The following PLGRKT variants were observed in gnomAD, a reference collection of about 807,000 sequenced individuals.
PLGRKT encodes the protein plasminogen receptor with a C-terminal lysine.
PLGRKT carries 22 observed loss-of-function variants against 18.5 expected under a neutral mutation model. The ratio of observed to expected loss-of-function variants is 1.19; its 90% CI spans 0.85 to 1.70. The LOEUF (loss-of-function observed/expected upper bound fraction) is 1.70. Ranked by LOEUF, PLGRKT falls within the 40% of genes most tolerant of loss-of-function variation. The probability of loss-of-function intolerance (pLI) is 0.00; values close to 1 mark genes in which losing one functional copy is unlikely to be tolerated. For synonymous variants in PLGRKT, 72 were observed against 52.8 expected, an observed-to-expected ratio of 1.36 and a Z score of -1.58; for missense variants, 235 against 174.4, an observed-to-expected ratio of 1.35 and a Z score of -1.96.
chr9:5,383,812 G>C (rs1418627199), intron 3 of PLGRKT, among the ~76,000 whole-genome samples: 1 of 152,206 alleles, frequency 6.6e-6, no homozygotes, highest in Non-Finnish European at 1.5e-5. Context: ...CTGCTGGGCA[G>C]TCCGGTTCCT....
chr9:5,422,275 C>G (rs992968202), intron 3 of PLGRKT, among the ~76,000 whole-genome samples: 2 of 152,130 alleles, frequency 1.3e-5, no homozygotes, highest in Non-Finnish European at 2.9e-5. Context: ...ACAACCAGAC[C>G]TCATGAGCCT....
At chr9:5,416,623 TAA>T (rs1818462676) in intron 3 of PLGRKT, among the ~76,000 whole-genome samples, 1 of 151,858 alleles carries the variant, frequency 6.6e-6, no homozygotes, top group South Asian at 2.1e-4. Flanking sequence ...TTTATGAAAA[TAA>T]AATTATAGCT....
intron 3 of PLGRKT, among the ~76,000 whole-genome samples, chr9:5,417,910 T>G (rs1380422993): frequency 6.6e-6 from 1 of 152,182 alleles, no homozygotes; most frequent in Non-Finnish European, 1.5e-5. Context: ...ACAAAAAAAG[T>G]AGAGAAGCCA....
intron 5 of PLGRKT, 110 bp downstream of exon 5, chr9:5,360,968 C>G (rs1817249865): frequency 7.7e-6 from 5 of 652,494 alleles, no homozygotes; most frequent in Non-Finnish European, 1.3e-5. Flanking sequence ...ATTGGAGGTT[C>G]AAAGAGAGAG....
At chr9:5,432,430 G>A (rs775014889) in intron 2 of PLGRKT, among the ~76,000 whole-genome samples, 7 of 152,202 alleles carry the variant, frequency 4.6e-5, no homozygotes, top group Admixed American at 1.3e-4. Context: ...TGCCTTGTGC[G>A]TCTTAAGAAC....
intron 5 of PLGRKT, among the ~76,000 whole-genome samples, chr9:5,360,171 G>A (rs966020010): frequency 5.3e-5 from 8 of 152,224 alleles, no homozygotes; most frequent in African/African-American, 1.9e-4. Flanking sequence ...TTGCTGAACT[G>A]GATAATAGTT....
At chr9:5,384,715 A>G (rs979512094) in intron 3 of PLGRKT, among the ~76,000 whole-genome samples, 4 of 152,040 alleles carry the variant, frequency 2.6e-5, no homozygotes, top group African/African-American at 9.7e-5. Flanking sequence ...ATTGGGTCAT[A>G]AGTTAGAAAT....
chr9:5,418,485 C>T lies in PLGRKT; in HGVS notation c.81+13412G>A. ...AGATGACAGTGCACACCCTCAACCA[C>T]ATGGAGCTTTTCACCATGCCCCGCC... On this transcript the variant is annotated intron_variant, in intron 3 of 5. Coordinates refer to ENST00000223864, the MANE Select transcript of PLGRKT (RefSeq NM_018465.4). The surrounding 1 kb of genome is among the most constrained non-coding windows in gnomAD (Gnocchi z 4.2). 9.0e-7 allele frequency: 1 copy of T among 1,114,434 alleles called. No individual in the cohort carries two copies. Among genetic ancestry groups the T allele is most frequent in the Non-Finnish European group, 1.4e-6 (1 of 731,356 alleles). The allele number at this position is 1,114,434 out of a possible 1,614,324, so 69.0% of individuals were successfully genotyped here.
intron 3 of PLGRKT, among the ~76,000 whole-genome samples, chr9:5,395,774 T>A (rs1818032454): frequency 6.6e-6 from 1 of 150,908 alleles, no homozygotes; most frequent in South Asian, 2.1e-4. Context: ...ATTTGCATAG[T>A]TTTCATTTTT....
chr9:5,410,285 C>T (rs765262190), intron 3 of PLGRKT, among the ~76,000 whole-genome samples: 16 of 152,012 alleles, frequency 1.1e-4, no homozygotes, highest in Middle Eastern at 3.4e-3. Context: ...CCTGTAATCC[C>T]GGCACTTTGG....
chr9:5,431,531 CAAAAAAAAAAAAAAA>C (rs1191361436), intron 3 of PLGRKT, among the ~76,000 whole-genome samples: 1 of 77,038 alleles, frequency 1.3e-5, no homozygotes, highest in African/African-American at 4.8e-5. Context: ...GAGACTCTCT[CAAAAAAAAAAAAAAA>C]AAAAAAAAGA....
rs992951067 is a variant in PLGRKT at position 5,361,964 on chromosome 9, C to T, written c.82-76G>A. The T allele has an allele frequency of 5.8e-6, 8 of 1,381,724 alleles. No individual in the cohort carries two copies. The African/African-American group carries it at 7.3e-5, about 13-fold the overall frequency. 85.6% of individuals were successfully genotyped at this position (1,381,724 alleles called of 1,614,324 possible). On this transcript the variant is annotated intron_variant, in intron 3 of 5. Coordinates refer to ENST00000223864, the MANE Select transcript of PLGRKT (RefSeq NM_018465.4). Reference sequence around the variant, plus strand: ...ACAAATAGTTAATAATCTGTTTTTCCAGCGGATTCATTCTTCAATTGCTTT... The same window carrying T: ...ACAAATAGTTAATAATCTGTTTTTCTAGCGGATTCATTCTTCAATTGCTTT...
At chr9:5,382,467 G>C (rs1244923625) in intron 3 of PLGRKT, among the ~76,000 whole-genome samples, 1 of 152,188 alleles carries the variant, frequency 6.6e-6, no homozygotes, top group East Asian at 1.9e-4. Context: ...TTCAGGCAGA[G>C]GGAACAGCAT....
At chr9:5,378,885 A>T (rs905665415) in intron 3 of PLGRKT, among the ~76,000 whole-genome samples, 1 of 152,220 alleles carries the variant, frequency 6.6e-6, no homozygotes, top group African/African-American at 2.4e-5. Context: ...ATATGTGTGT[A>T]TCTGTATAGC....
chr9:5,420,227 G>T (rs1221600489), intron 3 of PLGRKT, among the ~76,000 whole-genome samples: 1 of 152,214 alleles, frequency 6.6e-6, no homozygotes, highest in African/African-American at 2.4e-5. Context: ...ATTAGTGGTT[G>T]CAAAGGGCTG....
intron 3 of PLGRKT, among the ~76,000 whole-genome samples, chr9:5,394,907 G>A (rs1230164798): frequency 6.6e-6 from 1 of 151,778 alleles, no homozygotes; most frequent in African/African-American, 2.4e-5. Flanking sequence ...GACTGCAACG[G>A]AGCCTCAGGG....
At chr9:5,430,949 A>C (rs1322715253) in intron 3 of PLGRKT, among the ~76,000 whole-genome samples, 1 of 152,224 alleles carries the variant, frequency 6.6e-6, no homozygotes, top group Non-Finnish European at 1.5e-5. Flanking sequence ...TCCAATGTTA[A>C]GGTTTCACAC....
intron 3 of PLGRKT, among the ~76,000 whole-genome samples, chr9:5,379,761 A>G (rs1251999450): frequency 6.6e-6 from 1 of 152,200 alleles, no homozygotes; most frequent in Non-Finnish European, 1.5e-5. Context: ...ATAAAAATTG[A>G]TACTATCCTT....
intron 3 of PLGRKT, among the ~76,000 whole-genome samples, chr9:5,378,750 T>C (rs1433712145): frequency 1.3e-5 from 2 of 151,846 alleles, no homozygotes; most frequent in African/African-American, 4.8e-5. Context: ...CTGTTGGGAA[T>C]ACAAAAAAAA....
Sources: allele counts gnomAD v4.1 joint callset (sites outside exome capture counted in the v4.1 genomes callset), GRCh38; gene constraint gnomAD v4.1.1; non-coding constraint Gnocchi (gnomAD v3.1); transcripts MANE v1.5; gene names NCBI Gene and HGNC (gene_info 2026-07-23, HGNC 2026-07-21).